SDHC: variants seen among roughly 807,000 people sequenced by gnomAD.
SDHC encodes succinate dehydrogenase complex subunit C.
In SDHC, 11 loss-of-function variants were observed where a neutral mutation model predicts 22.6. That is an observed-to-expected ratio of 0.49 (90% CI 0.31 to 0.81). The LOEUF (loss-of-function observed/expected upper bound fraction) is 0.81. Ranked by LOEUF, SDHC falls within the 30% of genes least tolerant of loss-of-function variation. The probability of loss-of-function intolerance (pLI) is 0.05; values close to 1 mark genes in which losing one functional copy is unlikely to be tolerated. For missense variants in SDHC, 160 were observed against 212.0 expected (o/e 0.75, Z 1.52); for synonymous variants, 80 against 77.8 (o/e 1.03, Z -0.15).
rs1355138004 is a variant in SDHC at position 161,363,090 on chromosome 1, T to G, written c.*657T>G. 3 of 235,084 alleles carry G rather than the reference T, an allele frequency of 1.3e-5. No individual in the cohort carries two copies. The highest frequency in any genetic ancestry group is 6.6e-5 in the African/African-American group (3 of 45,344). The allele number at this position is 235,084 out of a possible 1,614,324, so 14.6% of individuals were successfully genotyped here. A position where few individuals can be genotyped will look rare whatever the true frequency, so the allele number is the denominator to read the frequency against. On this transcript the variant is annotated 3_prime_UTR_variant, in exon 6 of 6. Transcript: ENST00000367975. ...ATCATTGAACATATTAATGGTTATTTCTTTTTCTTGGATTTCCAGAAAAGC... is the reference window on the plus strand; with the variant it reads ...ATCATTGAACATATTAATGGTTATTGCTTTTTCTTGGATTTCCAGAAAAGC...
At chr1:161,337,061 G>GTTT (rs1255364549) in intron 3 of SDHC, among the ~76,000 whole-genome samples, 10 of 133,908 alleles carry the variant, frequency 7.5e-5, no homozygotes, top group African/African-American at 1.4e-4. Context: ...GTAGAAATGG[G>GTTT]TTTTTTTTTT....
intron 4 of SDHC, among the ~76,000 whole-genome samples, chr1:161,347,234 G>A (rs1457308374): frequency 6.6e-6 from 1 of 152,124 alleles, no homozygotes; most frequent in Non-Finnish European, 1.5e-5. Context: ...ATCATTGGAT[G>A]ATTATGACGA....
At chr1:161,339,717 C>A in intron 3 of SDHC, 1 of 267,660 alleles carries the variant, frequency 3.7e-6, no homozygotes, top group Non-Finnish European at 5.8e-6. Context: ...TCTTGTTGCC[C>A]AGACTGGAGC....
chr1:161,331,056 C>G (rs1671254422), intron 3 of SDHC, among the ~76,000 whole-genome samples: 1 of 150,588 alleles, frequency 6.6e-6, no homozygotes, highest in Non-Finnish European at 1.5e-5. Context: ...TGGGAATTTG[C>G]TCCATTAGAC....
intron 3 of SDHC, among the ~76,000 whole-genome samples, chr1:161,331,777 C>T (rs1448034133): frequency 1.3e-5 from 2 of 150,338 alleles, no homozygotes; most frequent in Non-Finnish European, 1.5e-5. Context: ...TTGTATTTTT[C>T]GTAGAGACGG....
At chr1:161,359,946 A>G (rs900975729) in intron 5 of SDHC, among the ~76,000 whole-genome samples, 4 of 151,642 alleles carry the variant, frequency 2.6e-5, no homozygotes, top group Non-Finnish European at 5.9e-5. Flanking sequence ...AAGCAAAACA[A>G]CTCTTTGTGG....
chr1:161,355,512 A>C (rs1384931524), intron 4 of SDHC, among the ~76,000 whole-genome samples: 5 of 152,232 alleles, frequency 3.3e-5, no homozygotes, highest in African/African-American at 9.6e-5. Context: ...GTCATCTGTG[A>C]AACCACTGCC....
chr1:161,346,556 G>A (rs1314765945), intron 4 of SDHC, among the ~76,000 whole-genome samples: 2 of 151,972 alleles, frequency 1.3e-5, no homozygotes, highest in African/African-American at 4.8e-5. Context: ...GCACCACCAC[G>A]CCTGGCTAAT....
rs550723557 is a variant in SDHC, at chr1:161,355,000, G to A, written c.242-1677G>A. Among the ~76,000 whole-genome samples, 4 of 152,146 alleles carry A rather than the reference G, an allele frequency of 2.6e-5. No homozygotes were observed. In the South Asian group the frequency reaches 6.2e-4, roughly 24 times the overall value. ...GTTGGGATTACAGGCATGAGCCACC[G>A]TGCCAGCCAAGATAACATCTTATTT... On this transcript the variant is annotated intron_variant, in intron 4 of 5. Coordinates refer to ENST00000367975, the MANE Select transcript of SDHC (RefSeq NM_003001.5).
chr1:161,360,028 ATTT>A (rs34443836), intron 5 of SDHC, among the ~76,000 whole-genome samples: 1 of 142,072 alleles, frequency 7.0e-6, no homozygotes. Flanking sequence ...TCTCATCTTG[ATTT>A]TTTTTTTTTT....
chr1:161,339,222 A>G (rs911185505), intron 3 of SDHC, among the ~76,000 whole-genome samples: 28 of 150,706 alleles, frequency 1.9e-4, no homozygotes, highest in East Asian at 2.0e-4. Flanking sequence ...TCTCTCCCCA[A>G]CCCGGGCTGG....
At chr1:161,348,732 G>A (rs1199998017) in intron 4 of SDHC, among the ~76,000 whole-genome samples, 1 of 151,644 alleles carries the variant, frequency 6.6e-6, no homozygotes, top group East Asian at 2.0e-4. Flanking sequence ...CAGTTACTTG[G>A]GAGACTGAGC....
At chr1:161,320,828 ATTTT>A (rs71270444) in intron 1 of SDHC, among the ~76,000 whole-genome samples, 1 of 127,680 alleles carries the variant, frequency 7.8e-6, no homozygotes, top group Non-Finnish European at 1.6e-5. Context: ...TTCAGTCTTG[ATTTT>A]TTTTTTTTTT....
chr1:161,317,549 G>GTGTGTGT (rs1429761697), intron 1 of SDHC, among the ~76,000 whole-genome samples: 1 of 113,330 alleles, frequency 8.8e-6, no homozygotes, highest in African/African-American at 3.9e-5. Context: ...GTGTGTGTGT[G>GTGTGTGT]GTTTTTTTTT....
At chr1:161,316,149 C>G (rs1670605388) in intron 1 of SDHC, among the ~76,000 whole-genome samples, 1 of 151,974 alleles carries the variant, frequency 6.6e-6, no homozygotes, top group South Asian at 2.1e-4. Context: ...CAGGGATGAT[C>G]AGGAGACAGA....
At chr1:161,339,630 ATTTAT>A in intron 3 of SDHC, 1 of 680,848 alleles carries the variant, frequency 1.5e-6, no homozygotes, top group Non-Finnish European at 1.9e-6. Context: ...TTATTCTTTA[ATTTAT>A]TTTTGTAACC....
intron 1 of SDHC, among the ~76,000 whole-genome samples, chr1:161,321,308 C>T (rs1367280175): frequency 6.6e-6 from 1 of 152,144 alleles, no homozygotes; most frequent in Non-Finnish European, 1.5e-5. Flanking sequence ...ATACAGAGTT[C>T]CTGTTTTCAC....
intron 1 of SDHC, among the ~76,000 whole-genome samples, chr1:161,317,041 C>T (rs1346718353): frequency 7.3e-5 from 9 of 124,044 alleles, no homozygotes; most frequent in African/African-American, 1.1e-4. Context: ...TTTTTTGAGA[C>T]GGAGTCTCGG....
At chr1:161,337,141 A>G (rs533017629) in intron 3 of SDHC, among the ~76,000 whole-genome samples, 2 of 150,468 alleles carry the variant, frequency 1.3e-5, no homozygotes, top group East Asian at 1.9e-4. Flanking sequence ...TCAGCCCCCT[A>G]AAGTGCTAGG....
Sources: gnomAD v4.1 joint callset for allele counts (sites outside exome capture counted in the v4.1 genomes callset) on GRCh38, gnomAD v4.1.1 for gene constraint, MANE v1.5 for transcripts, NCBI Gene and HGNC (gene_info 2026-07-23, HGNC 2026-07-21) for gene names.